Variants in RANBP2 observed in about 807,000 individuals in gnomAD.
The protein encoded by RANBP2 is E3 SUMO-protein ligase RanBP2.
Under a neutral mutation model 303.6 loss-of-function variants are expected in RANBP2, and 57 were observed. The ratio of observed to expected loss-of-function variants is 0.19; its 90% CI spans 0.15 to 0.23. RANBP2 has a LOEUF of 0.23. Among genes scored for constraint, RANBP2 ranks in the 10% least tolerant of loss-of-function variants. The pLI is 1.00. For synonymous variants in RANBP2, 1,167 were observed against 1,301.5 expected (o/e 0.90, Z 2.23); for missense variants, 3,138 against 3,780.8 (o/e 0.83, Z 4.46).
At chr2:109,268,899 G>A in the RANBP2 span, among the ~76,000 whole-genome samples, 1 of 152,108 alleles carries the variant, frequency 6.6e-6, no homozygotes, top group African/African-American at 2.4e-5. Context: ...ATTTATGTTG[G>A]GTTTATCAAA....
At chr2:108,793,893 C>T in the RANBP2 span, among the ~76,000 whole-genome samples, 2 of 151,854 alleles carry the variant, frequency 1.3e-5, no homozygotes, top group Non-Finnish European at 2.9e-5. Flanking sequence ...TGAGCCACCG[C>T]GCCCTGCCAC....
chr2:109,382,259 C>T, the RANBP2 span, among the ~76,000 whole-genome samples: 1 of 152,162 alleles, frequency 6.6e-6, no homozygotes, highest in African/African-American at 2.4e-5. Flanking sequence ...ACCATAGGGT[C>T]TGTCTTAGTT....
At chr2:109,719,853 C>T in the RANBP2 span, among the ~76,000 whole-genome samples, 1 of 152,170 alleles carries the variant, frequency 6.6e-6, no homozygotes, top group African/African-American at 2.4e-5. Context: ...AATTTCCAGG[C>T]TTGGCCACAG....
At chr2:109,500,498 G>A in the RANBP2 span, among the ~76,000 whole-genome samples, 1 of 152,276 alleles carries the variant, frequency 6.6e-6, no homozygotes. Context: ...CTGAAGACAG[G>A]GACTCCAAAG....
At chr2:109,670,048 G>T in the RANBP2 span, among the ~76,000 whole-genome samples, 1 of 152,160 alleles carries the variant, frequency 6.6e-6, no homozygotes, top group African/African-American at 2.4e-5. Context: ...GGCGAGCCAC[G>T]ATGCCACAGG....
the RANBP2 span, among the ~76,000 whole-genome samples, chr2:109,418,982 G>A: frequency 5.3e-5 from 8 of 152,160 alleles, no homozygotes; most frequent in African/African-American, 1.2e-4. Flanking sequence ...GATGCTGACC[G>A]TTCCTCGGGT....
At chr2:109,198,010 T>C in the RANBP2 span, among the ~76,000 whole-genome samples, 1 of 152,138 alleles carries the variant, frequency 6.6e-6, no homozygotes, top group African/African-American at 2.4e-5. Context: ...GACCTGTAGT[T>C]AAGTAAGCGG....
chr2:109,131,994 G>T, the RANBP2 span, among the ~76,000 whole-genome samples: 9 of 152,190 alleles, frequency 5.9e-5, no homozygotes, highest in Non-Finnish European at 1.2e-4. Context: ...GATTGTAATA[G>T]CATATCAGGC....
At chr2:109,421,963 A>G in the RANBP2 span, among the ~76,000 whole-genome samples, 1 of 152,180 alleles carries the variant, frequency 6.6e-6, no homozygotes, top group African/African-American at 2.4e-5. Flanking sequence ...TTTTATCCCC[A>G]GAGAGGAAAA....
chr2:109,520,240 G>A, the RANBP2 span, among the ~76,000 whole-genome samples: 1 of 152,166 alleles, frequency 6.6e-6, no homozygotes, highest in Admixed American at 6.5e-5. Flanking sequence ...TAAAAGGGAA[G>A]GAGGAGTTAG....
chr2:108,815,878 GT>G, the RANBP2 span: 1 of 1,357,234 alleles, frequency 7.4e-7, no homozygotes, highest in Non-Finnish European at 1.0e-6. Flanking sequence ...CAAATTTAAG[GT>G]TTGTCTTTGA....
At chr2:108,921,225 G>A in the RANBP2 span, among the ~76,000 whole-genome samples, 9 of 152,128 alleles carry the variant, frequency 5.9e-5, no homozygotes, top group African/African-American at 2.2e-4. Flanking sequence ...GGGCAGAGCT[G>A]TGGGCACTCC....
chr2:109,678,819 G>A, the RANBP2 span, among the ~76,000 whole-genome samples: 10 of 152,258 alleles, frequency 6.6e-5, no homozygotes, highest in South Asian at 2.1e-3. Flanking sequence ...TAGTCTCTGT[G>A]GGTACAGAGA....
the RANBP2 span, among the ~76,000 whole-genome samples, chr2:109,354,036 G>A: frequency 6.6e-6 from 1 of 152,230 alleles, no homozygotes; most frequent in Admixed American, 6.5e-5. Flanking sequence ...CCCGCTAGGT[G>A]GGGGAGCTGA....
the RANBP2 span, among the ~76,000 whole-genome samples, chr2:109,491,993 TGTA>T: frequency 6.6e-6 from 1 of 152,150 alleles, no homozygotes; most frequent in Non-Finnish European, 1.5e-5. Context: ...CATATTCTTC[TGTA>T]TAGTTTTCTA....
the RANBP2 span, among the ~76,000 whole-genome samples, chr2:108,915,727 A>G: frequency 6.6e-6 from 1 of 151,608 alleles, no homozygotes. Context: ...TGAAACCCCA[A>G]CTCTACTAAA....
the RANBP2 span, among the ~76,000 whole-genome samples, chr2:109,018,380 G>C: frequency 1.3e-5 from 2 of 151,180 alleles, no homozygotes. Flanking sequence ...TGCTAGCCAG[G>C]CGCCAGCGTG....
chr2:109,733,180 GAAAAA>G, the RANBP2 span: 17 of 290,458 alleles, frequency 5.9e-5, no homozygotes, highest in East Asian at 1.4e-4. Context: ...TAGGTCAAAT[GAAAAA>G]AAAAAAAAAA....
the RANBP2 span, among the ~76,000 whole-genome samples, chr2:109,385,101 C>T: frequency 2.0e-5 from 3 of 152,222 alleles, no homozygotes; most frequent in Admixed American, 1.3e-4. Flanking sequence ...TCCTCTGTCC[C>T]TCTGACAGGC....
Sources: gnomAD v4.1 joint callset for allele counts (sites outside exome capture counted in the v4.1 genomes callset) on GRCh38, gnomAD v4.1.1 for gene constraint, MANE v1.5 for transcripts, NCBI Gene and HGNC (gene_info 2026-07-23, HGNC 2026-07-21) for gene names.